Variants in AJAP1 observed in about 807,000 individuals in gnomAD.
AJAP1 encodes adherens junctions associated protein 1, also known as adherens junction-associated protein 1.
AJAP1 carries 5 observed loss-of-function variants against 35.0 expected under a neutral mutation model. The observed-to-expected ratio is 0.14, with a 90% confidence interval of 0.07 to 0.30. AJAP1 has a LOEUF of 0.30. Ranked by LOEUF, AJAP1 falls within the 10% of genes least tolerant of loss-of-function variation. AJAP1 has a pLI of 1.00. For missense variants in AJAP1, 586 were observed against 571.0 expected, an observed-to-expected ratio of 1.03 and a Z score of -0.27; for synonymous variants, 284 against 249.3, an observed-to-expected ratio of 1.14 and a Z score of -1.31.
rs1018927688 is a variant in AJAP1, at chr1:4,712,160, G to A, written c.290G>A (p.Arg97Gln). Reference protein sequence around the residue: ...ERIHGQMQMPRARRAHRPRDQ... With the variant: ...ERIHGQMQMPQARRAHRPRDQ... The stretch of plus-strand genomic sequence containing the variant: ...ATCCACGGGCAGATGCAGATGCCTC[G>A]AGCCAGACGGGCCCACAGGCCCCGG... Residue 97 changes from arginine (R) to glutamine (Q), a missense_variant, in exon 2 of 6, where the codon CGA becomes CAA. Arg to Gln is a conservative substitution (Grantham distance 43). Transcript: ENST00000378191. The A allele has an allele frequency of 5.1e-6, 8 of 1,564,036 alleles. No homozygotes were observed. In the Admixed American group the frequency reaches 7.5e-5, roughly 15 times the overall value.
chr1:4,680,949 A>G (rs1389186301), intron 1 of AJAP1, among the ~76,000 whole-genome samples: 1 of 152,226 alleles, frequency 6.6e-6, no homozygotes, highest in Non-Finnish European at 1.5e-5. Context: ...GCTAAATAAT[A>G]GGGCTTTGGC....
chr1:4,741,556 G>A (rs532703058), intron 2 of AJAP1, among the ~76,000 whole-genome samples: 75 of 152,322 alleles, frequency 4.9e-4, no homozygotes, highest in African/African-American at 1.7e-3. Flanking sequence ...CACATTCTGA[G>A]GTTCTGGGTA....
At chr1:4,756,878 G>A (rs530330013) in intron 2 of AJAP1, among the ~76,000 whole-genome samples, 1 of 152,056 alleles carries the variant, frequency 6.6e-6, no homozygotes, top group African/African-American at 2.4e-5. Context: ...TTTGGGGAGG[G>A]TAGGGAGCCT....
Position 4,737,332 on chromosome 1 carries a change from C to A in AJAP1, c.829+24633C>A, listed in dbSNP as rs1020072047. 1.6e-4 allele frequency among the ~76,000 whole-genome samples: 25 copies of A among 152,246 alleles called. No homozygotes were observed. In the East Asian group the frequency reaches 4.5e-3, roughly 27 times the overall value. ...GGACAAGCCCCCGTCACCACCCACC[C>A]CTCGGCCCCTCACCTCTCTCAGGGA... On this transcript the variant is annotated intron_variant, in intron 2 of 5. Coordinates refer to ENST00000378191, the MANE Select transcript of AJAP1 (RefSeq NM_018836.4).
chr1:4,775,182 T>C (rs1641918146), intron 5 of AJAP1, among the ~76,000 whole-genome samples: 1 of 152,218 alleles, frequency 6.6e-6, no homozygotes, highest in Non-Finnish European at 1.5e-5. Flanking sequence ...TTTAGTGATA[T>C]TAACTTTAAT....
At chr1:4,712,912 T>C (rs1640299115) in intron 2 of AJAP1, among the ~76,000 whole-genome samples, 1 of 152,114 alleles carries the variant, frequency 6.6e-6, no homozygotes, top group Admixed American at 6.5e-5. Flanking sequence ...GAGTTTCCCT[T>C]TTTAGTATGT....
At chr1:4,781,809 C>G (rs1022121712) in intron 5 of AJAP1, among the ~76,000 whole-genome samples, 1 of 152,150 alleles carries the variant, frequency 6.6e-6, no homozygotes, top group African/African-American at 2.4e-5. Flanking sequence ...TGCTGACCTA[C>G]TGGGGGCTCT....
chr1:4,775,579 G>A (rs1641925101), intron 5 of AJAP1, among the ~76,000 whole-genome samples: 1 of 152,224 alleles, frequency 6.6e-6, no homozygotes, highest in Non-Finnish European at 1.5e-5. Flanking sequence ...CTTGCTGGGG[G>A]CGGGGAACCA....
rs1640572558 is a variant in AJAP1 at position 4,723,476 on chromosome 1, G to A, written c.829+10777G>A. ...ATGAAGGGGCAATTGGGGGTGATAAGGAAGAGCCCACCGGGAGGAGGTGGC... is the reference window on the plus strand; with the variant it reads ...ATGAAGGGGCAATTGGGGGTGATAAAGAAGAGCCCACCGGGAGGAGGTGGC... On this transcript the variant is annotated intron_variant, in intron 2 of 5. Coordinates refer to ENST00000378191, the MANE Select transcript of AJAP1 (RefSeq NM_018836.4). The surrounding 1 kb of genome is among the most constrained non-coding windows in gnomAD (Gnocchi z 4.3). Among the ~76,000 whole-genome samples the A allele has an allele frequency of 6.6e-6, 1 of 152,142 alleles. No homozygotes were observed. Among genetic ancestry groups the A allele is most frequent in the African/African-American group, 2.4e-5 (1 of 41,432 alleles).
chr1:4,673,669 C>T (rs1004025465), intron 1 of AJAP1, among the ~76,000 whole-genome samples: 22 of 152,132 alleles, frequency 1.4e-4, no homozygotes, highest in Admixed American at 1.4e-3. Context: ...GACACAGACG[C>T]GGCCAGGCAG....
At chr1:4,657,468 A>G (rs1414001651) in intron 1 of AJAP1, among the ~76,000 whole-genome samples, 3 of 152,140 alleles carry the variant, frequency 2.0e-5, no homozygotes, top group African/African-American at 4.8e-5. Flanking sequence ...TTGCATCACA[A>G]TGGGCACCTG....
At chr1:4,676,806 G>A (rs12086604) in intron 1 of AJAP1, among the ~76,000 whole-genome samples, 1,680 of 152,274 alleles carry the variant, frequency 0.011, 30 homozygotes, top group African/African-American at 0.037. Context: ...TTGCATTCTC[G>A]AATTTGCCAA....
At chr1:4,745,769 G>A (rs936892919) in intron 2 of AJAP1, among the ~76,000 whole-genome samples, 21 of 152,152 alleles carry the variant, frequency 1.4e-4, no homozygotes, top group African/African-American at 4.3e-4. Flanking sequence ...CTGGGTCCTG[G>A]GCAGCGCTTC....
At chr1:4,666,083 G>C (rs185591148) in intron 1 of AJAP1, among the ~76,000 whole-genome samples, 1,765 of 151,742 alleles carry the variant, frequency 0.012, 33 homozygotes, top group African/African-American at 0.04. Flanking sequence ...AGCCCACTGA[G>C]GCTCCTCCGG....
rs532194899 is a variant in AJAP1, at chr1:4,723,374, C to G, written c.829+10675C>G. The stretch of plus-strand genomic sequence containing the variant: ...CCGGAGTAGAAGCTCAGCGGAGCCT[C>G]GGGTGTGTGGAAGGTCTGGAAGGCC... On this transcript the variant is annotated intron_variant, in intron 2 of 5. Coordinates refer to ENST00000378191, the MANE Select transcript of AJAP1 (RefSeq NM_018836.4). This position sits in a 1 kb window ranked among gnomAD's most constrained non-coding sequence, Gnocchi z 4.3. 6.6e-6 allele frequency among the ~76,000 whole-genome samples: 1 copy of G among 152,024 alleles called. No homozygotes were observed. The highest frequency in any genetic ancestry group is 1.5e-5 in the Non-Finnish European group (1 of 68,012).
At chr1:4,737,335 C>T (rs540133512) in intron 2 of AJAP1, among the ~76,000 whole-genome samples, 13 of 152,118 alleles carry the variant, frequency 8.5e-5, no homozygotes, top group African/African-American at 1.4e-4. Context: ...ACCCACCCCT[C>T]GGCCCCTCAC....
At chr1:4,705,419 T>C (rs1449888494) in intron 1 of AJAP1, among the ~76,000 whole-genome samples, 1 of 130,250 alleles carries the variant, frequency 7.7e-6, no homozygotes, top group African/African-American at 2.9e-5. Context: ...TTTTTTTTTT[T>C]TTTTTTTTTT....
chr1:4,746,125 C>T (rs574818254), intron 2 of AJAP1, among the ~76,000 whole-genome samples: 54 of 152,324 alleles, frequency 3.5e-4, no homozygotes, highest in African/African-American at 1.1e-3. Context: ...CCTCTGGAGG[C>T]TCCTGGGGAG....
chr1:4,671,107 G>A (rs959938484), intron 1 of AJAP1, among the ~76,000 whole-genome samples: 2 of 152,208 alleles, frequency 1.3e-5, no homozygotes, highest in Non-Finnish European at 2.9e-5. Context: ...GGTAGCTCAT[G>A]CCTGCAGTCC....
Sources: allele counts gnomAD v4.1 joint callset (sites outside exome capture counted in the v4.1 genomes callset), GRCh38; gene constraint gnomAD v4.1.1; non-coding constraint Gnocchi (gnomAD v3.1); transcripts MANE v1.5; gene names NCBI Gene and HGNC (gene_info 2026-07-23, HGNC 2026-07-21).